Variants in SRGAP2 observed in about 807,000 individuals in gnomAD.
The protein encoded by SRGAP2 is SLIT-ROBO Rho GTPase-activating protein 2.
A neutral mutation model predicts 57.2 loss-of-function variants in SRGAP2; 15 were observed. That is an observed-to-expected ratio of 0.26 (90% CI 0.18 to 0.40). The LOEUF is 0.40. SRGAP2 is among the 10% of genes least tolerant of loss of function. The pLI is 1.00. For missense variants in SRGAP2, 520 were observed against 669.6 expected (o/e 0.78, Z 2.47); for synonymous variants, 249 against 248.0 (o/e 1.00, Z -0.04).
chr1:206,453,787 C>G lies in SRGAP2; in HGVS notation c.2360+407C>G, dbSNP rs1390632711. 3 of 294,140 alleles carry G rather than the reference C, an allele frequency of 1.0e-5. No homozygotes were observed. The East Asian group carries it at 1.9e-4, about 19-fold the overall frequency. The allele number at this position is 294,140 out of a possible 1,614,324, so 18.2% of individuals were successfully genotyped here. ...TTTTTTTTAAACAACTATGCTCACC[C>G]CAACCTGTTGAGCCACTCTTCCACT... On this transcript the variant is annotated intron_variant, in intron 20 of 22. Coordinates refer to ENST00000573034, the MANE Select transcript of SRGAP2 (RefSeq NM_015326.5).
At chr1:206,239,752 C>G (rs150007648) in intron 2 of SRGAP2, among the ~76,000 whole-genome samples, 5,879 of 151,824 alleles carry the variant, frequency 0.039, 124 homozygotes, top group Non-Finnish European at 0.042. Context: ...AGCCATTGCT[C>G]TCAGCCAAAT....
At chr1:206,236,183 ACT>A (rs1264514692) in intron 2 of SRGAP2, among the ~76,000 whole-genome samples, 2 of 141,150 alleles carry the variant, frequency 1.4e-5, no homozygotes, top group African/African-American at 5.4e-5. Context: ...TTGACATGAG[ACT>A]CTGTGCTGCT....
intron 11 of SRGAP2, among the ~76,000 whole-genome samples, chr1:206,417,103 CTT>C (rs546280000): frequency 0.012 from 1,600 of 133,704 alleles, 22 homozygotes; most frequent in African/African-American, 0.043. Context: ...CTAATGACTT[CTT>C]TTTTTTTTTT....
chr1:206,397,735 C>G (rs1657740728), intron 7 of SRGAP2, among the ~76,000 whole-genome samples: 1 of 143,768 alleles, frequency 7.0e-6, no homozygotes, highest in Admixed American at 6.8e-5. Context: ...TTCTGGCTCT[C>G]TCAACCCAGG....
intron 2 of SRGAP2, among the ~76,000 whole-genome samples, chr1:206,220,239 T>TG (rs1394497363): frequency 2.7e-5 from 4 of 150,038 alleles, no homozygotes; most frequent in African/African-American, 7.4e-5. Context: ...GGGCACGATG[T>TG]GAAAGCAAGG....
At position 206,336,702 on chromosome 1, in the gene SRGAP2, CAGCATCAGCAAAATGCATAATAGAG is replaced by C. The variant is rs1354806702; in HGVS notation, c.261-6142_261-6118del. Among the ~76,000 whole-genome samples, 66 of 119,142 alleles carry C rather than the reference CAGCATCAGCAAAATGCATAATAGAG, an allele frequency of 5.5e-4. No homozygotes were observed. The East Asian group carries it at 0.014, about 26-fold the overall frequency. The allele number at this position is 119,142 out of a possible 152,430, so 78.2% of individuals were successfully genotyped here. ...CTCTATCCAGCCTGCCTGCTTCTGT[CAGCATCAGCAAAATGCATAATAGAG>C]AAAATAAGCCAGAAAGGCTAATAAC... On this transcript the variant is annotated intron_variant, in intron 3 of 22. Coordinates refer to ENST00000573034, the MANE Select transcript of SRGAP2 (RefSeq NM_015326.5).
intron 2 of SRGAP2, among the ~76,000 whole-genome samples, chr1:206,277,399 A>G: frequency 9.4e-6 from 1 of 105,830 alleles, no homozygotes; most frequent in South Asian, 3.8e-4. Context: ...AGCTTGACAA[A>G]ATTATCTTCC....
chr1:206,232,151 C>T (rs1187604565), intron 2 of SRGAP2, among the ~76,000 whole-genome samples: 4 of 152,044 alleles, frequency 2.6e-5, no homozygotes, highest in South Asian at 4.2e-4. Flanking sequence ...TCTGTGCTCC[C>T]GGGCTGGGGT....
At chr1:206,322,837 G>A (rs1420075961) in intron 3 of SRGAP2, among the ~76,000 whole-genome samples, 1 of 142,030 alleles carries the variant, frequency 7.0e-6, no homozygotes, top group Non-Finnish European at 1.5e-5. Context: ...GAGAGTATAA[G>A]AATGTGGCAT....
At chr1:206,441,929 A>C (rs951739847) in intron 17 of SRGAP2, among the ~76,000 whole-genome samples, 1 of 152,250 alleles carries the variant, frequency 6.6e-6, no homozygotes, top group African/African-American at 2.4e-5. Flanking sequence ...CTCTGGATCC[A>C]TGAATCTATC....
intron 5 of SRGAP2, among the ~76,000 whole-genome samples, chr1:206,390,689 G>A (rs74954033): frequency 0.083 from 12,538 of 151,690 alleles, 1,069 homozygotes; most frequent in African/African-American, 0.21. Flanking sequence ...GATAACAGAT[G>A]CCTCTTTTCC....
At chr1:206,411,944 C>T (rs1472216981) in intron 10 of SRGAP2, among the ~76,000 whole-genome samples, 13 of 152,240 alleles carry the variant, frequency 8.5e-5, no homozygotes, top group Admixed American at 5.2e-4. Flanking sequence ...CTGCTCTATG[C>T]CAGGCCCTGT....
At chr1:206,210,403 C>CTT (rs71568077) in intron 2 of SRGAP2, among the ~76,000 whole-genome samples, 506 of 31,788 alleles carry the variant, frequency 0.016, 31 homozygotes, top group Non-Finnish European at 0.021. Context: ...GGGGTCTTGT[C>CTT]TTTTTTTTTT....
At chr1:206,363,606 C>A (rs1553341023) in intron 4 of SRGAP2, among the ~76,000 whole-genome samples, 1 of 151,742 alleles carries the variant, frequency 6.6e-6, no homozygotes, top group Non-Finnish European at 1.5e-5. Flanking sequence ...GAACTGTCAT[C>A]TTAGTATCCT....
intron 2 of SRGAP2, among the ~76,000 whole-genome samples, chr1:206,229,655 A>G (rs1175064723): frequency 6.6e-6 from 1 of 151,832 alleles, no homozygotes; most frequent in East Asian, 1.9e-4. Flanking sequence ...AGCAATTAAC[A>G]CCTTGACTCT....
intron 3 of SRGAP2, among the ~76,000 whole-genome samples, chr1:206,333,030 C>T (rs1182825356): frequency 2.7e-5 from 4 of 149,630 alleles, no homozygotes; most frequent in Non-Finnish European, 4.4e-5. Flanking sequence ...TTCTAACAGA[C>T]AGGACCCTCA....
chr1:206,461,014 T>G (rs576233966), intron 22 of SRGAP2, 23 bp from the exon 23 acceptor site: 1 of 673,774 alleles, frequency 1.5e-6, no homozygotes, highest in African/African-American at 1.8e-5. Context: ...TTGCCTCACC[T>G]CCTCCTTTTT....
At chr1:206,459,659 A>G (rs562429791) in intron 22 of SRGAP2, among the ~76,000 whole-genome samples, 3 of 152,148 alleles carry the variant, frequency 2.0e-5, no homozygotes, top group Admixed American at 1.3e-4. Flanking sequence ...TCTCCCAACT[A>G]TATAATTTTC....
intron 2 of SRGAP2, among the ~76,000 whole-genome samples, chr1:206,273,829 A>G (rs1670258298): frequency 1.3e-5 from 2 of 150,742 alleles, no homozygotes; most frequent in African/African-American, 5.0e-5. Flanking sequence ...AGTTGTTTTT[A>G]TGATTTCAGA....
Sources: allele counts gnomAD v4.1 joint callset (sites outside exome capture counted in the v4.1 genomes callset), GRCh38; gene constraint gnomAD v4.1.1; transcripts MANE v1.5; gene names NCBI Gene and HGNC (gene_info 2026-07-23, HGNC 2026-07-21).